PARN: variants seen among roughly 807,000 people sequenced by gnomAD.
PARN encodes the protein poly(A)-specific ribonuclease, also known as poly(A)-specific ribonuclease PARN.
Under a neutral mutation model 102.8 loss-of-function variants are expected in PARN, and 71 were observed. The observed-to-expected ratio is 0.69, with a 90% CI of 0.57 to 0.84. The LOEUF (loss-of-function observed/expected upper bound fraction) is 0.84, where lower values mean the gene tolerates loss of function less well. Ranked by LOEUF, PARN falls within the 40% of genes least tolerant of loss-of-function variation. The pLI is 0.00. For synonymous variants in PARN, 261 were observed against 252.9 expected (o/e 1.03, Z -0.30); for missense variants, 782 against 760.9 (o/e 1.03, Z -0.33).
chr16:14,612,762 T>C (rs1222909404), intron 6 of PARN, among the ~76,000 whole-genome samples: 1 of 151,738 alleles, frequency 6.6e-6, no homozygotes, highest in African/African-American at 2.4e-5. Context: ...CATACCCAGC[T>C]AATTTTTGTA....
intron 21 of PARN, among the ~76,000 whole-genome samples, chr16:14,521,920 C>A (rs888518292): frequency 1.3e-5 from 2 of 152,106 alleles, no homozygotes; most frequent in African/African-American, 4.8e-5. Context: ...TTTAGATATA[C>A]AAATACCATT....
intron 19 of PARN, among the ~76,000 whole-genome samples, chr16:14,555,290 C>T (rs1967606894): frequency 1.3e-5 from 2 of 152,180 alleles, no homozygotes; most frequent in South Asian, 2.1e-4. Context: ...CAAATATACA[C>T]ATACTCAAGT....
intron 21 of PARN, among the ~76,000 whole-genome samples, chr16:14,538,383 C>T (rs1966705664): frequency 6.6e-6 from 1 of 152,014 alleles, no homozygotes; most frequent in African/African-American, 2.4e-5. Flanking sequence ...CCATGCCCAG[C>T]TAATTTTTGT....
chr16:14,494,655 C>T (rs932265610), intron 21 of PARN, among the ~76,000 whole-genome samples: 16 of 152,318 alleles, frequency 1.1e-4, no homozygotes, highest in African/African-American at 3.1e-4. Flanking sequence ...GCAGCCGGAA[C>T]GATGCGCAGA....
chr16:14,492,636 A>C (rs1024020032), intron 21 of PARN, among the ~76,000 whole-genome samples: 1 of 152,222 alleles, frequency 6.6e-6, no homozygotes, highest in Non-Finnish European at 1.5e-5. Context: ...ATGGACAGGC[A>C]TGCACACTGG....
intron 22 of PARN, among the ~76,000 whole-genome samples, chr16:14,474,579 ATTC>A (rs1962934793): frequency 6.6e-6 from 1 of 152,234 alleles, no homozygotes; most frequent in Non-Finnish European, 1.5e-5. Flanking sequence ...GGACGTCAGC[ATTC>A]TTTCCACCAA....
intron 21 of PARN, among the ~76,000 whole-genome samples, chr16:14,504,403 C>CA (rs1185331354): frequency 6.6e-6 from 1 of 151,606 alleles, no homozygotes. Flanking sequence ...AATAAAAATA[C>CA]AAAAAATTAT....
chr16:14,596,486 A>G (rs1970520870), intron 12 of PARN, among the ~76,000 whole-genome samples: 1 of 152,058 alleles, frequency 6.6e-6, no homozygotes. Context: ...TATAATCCAA[A>G]TACTTTGGGA....
chr16:14,576,914 A>G (rs780871168), intron 18 of PARN, among the ~76,000 whole-genome samples: 2 of 152,250 alleles, frequency 1.3e-5, no homozygotes, highest in Non-Finnish European at 2.9e-5. Flanking sequence ...CAGTCTTTGC[A>G]TACTGCTTAA....
At chr16:14,477,260 C>A (rs960718572) in intron 22 of PARN, among the ~76,000 whole-genome samples, 1 of 149,418 alleles carries the variant, frequency 6.7e-6, no homozygotes, top group Non-Finnish European at 1.5e-5. Flanking sequence ...GCCAACAGAG[C>A]GAAACCTGGT....
chr16:14,601,615 TACC>T (rs1344220397), intron 11 of PARN, among the ~76,000 whole-genome samples: 2 of 152,140 alleles, frequency 1.3e-5, no homozygotes, highest in African/African-American at 2.4e-5. Context: ...ATGTGTATTT[TACC>T]ACAATTAAAA....
At chr16:14,467,842 G>C (rs1471752566) in intron 22 of PARN, among the ~76,000 whole-genome samples, 2 of 152,216 alleles carry the variant, frequency 1.3e-5, no homozygotes, top group Non-Finnish European at 2.9e-5. Flanking sequence ...ACTGTTAAAA[G>C]AAAGAAAACA....
At chr16:14,474,351 G>A (rs949756431) in intron 22 of PARN, among the ~76,000 whole-genome samples, 1 of 152,132 alleles carries the variant, frequency 6.6e-6, no homozygotes, top group Non-Finnish European at 1.5e-5. Flanking sequence ...GCGTCATAAA[G>A]AGCTTTCATA....
chr16:14,594,778 A>C (rs1022539281), intron 12 of PARN, among the ~76,000 whole-genome samples: 5 of 152,206 alleles, frequency 3.3e-5, no homozygotes, highest in African/African-American at 7.2e-5. Flanking sequence ...TCAGTGTAAC[A>C]CTGCTTGATT....
chr16:14,483,276 T>C (rs923618484), intron 21 of PARN, among the ~76,000 whole-genome samples: 6 of 152,234 alleles, frequency 3.9e-5, no homozygotes, highest in Non-Finnish European at 4.4e-5. Context: ...TGGCGATTAC[T>C]GTGTCACACA....
At chr16:14,478,481 C>G (rs1352443319) in intron 22 of PARN, among the ~76,000 whole-genome samples, 2 of 152,024 alleles carry the variant, frequency 1.3e-5, no homozygotes, top group African/African-American at 4.8e-5. Context: ...TATGAACAAC[C>G]TAAAATCTTA....
Position 14,596,936 on chromosome 16 carries a change from G to A in PARN, c.840+2968C>T, listed in dbSNP as rs10048115. On this transcript the variant is annotated intron_variant, in intron 12 of 23. Transcript: ENST00000437198. ...CAAGTAGCTGGGATTACAGGTGTGT[G>A]CCACCACGCTCAGCTAATTTTTGTA... Among the ~76,000 whole-genome samples, 432 of 152,078 alleles carry A rather than the reference G, an allele frequency of 2.8e-3. 2 individuals are homozygous for A. The highest frequency in any genetic ancestry group is 9.6e-3 in the African/African-American group (399 of 41,456).
intron 21 of PARN, among the ~76,000 whole-genome samples, chr16:14,486,318 G>A (rs1297035628): frequency 1.3e-5 from 2 of 152,120 alleles, no homozygotes; most frequent in South Asian, 2.1e-4. Context: ...AGTGAGCCAC[G>A]ATTGCACCAT....
At chr16:14,570,010 G>A (rs894046369) in intron 18 of PARN, among the ~76,000 whole-genome samples, 48 of 152,140 alleles carry the variant, frequency 3.2e-4, no homozygotes, top group Middle Eastern at 3.2e-3. Context: ...GAACTATATG[G>A]TATGTGAATT....
Sources: gnomAD v4.1 joint callset for allele counts (sites outside exome capture counted in the v4.1 genomes callset) on GRCh38, gnomAD v4.1.1 for gene constraint, MANE v1.5 for transcripts, NCBI Gene and HGNC (gene_info 2026-07-23, HGNC 2026-07-21) for gene names.